MCCC2: variants seen among roughly 807,000 people sequenced by gnomAD.
MCCC2 encodes methylcrotonoyl-CoA carboxylase beta chain, mitochondrial.
In MCCC2, 52 loss-of-function variants were observed where a neutral mutation model predicts 77.2. That is an observed-to-expected ratio of 0.67 (90% confidence interval 0.54 to 0.85). The LOEUF is 0.85. Among genes scored for constraint, MCCC2 ranks in the 40% least tolerant of loss-of-function variants. The pLI is 0.00. For synonymous variants in MCCC2, 253 were observed against 248.4 expected (o/e 1.02, Z -0.18); for missense variants, 682 against 703.2 (o/e 0.97, Z 0.34).
intron 6 of MCCC2, among the ~76,000 whole-genome samples, chr5:71,612,208 T>G (rs1345856368): frequency 2.0e-5 from 3 of 152,238 alleles, no homozygotes; most frequent in African/African-American, 7.2e-5. Context: ...TTCTGTAATT[T>G]TTTTTGCATG....
At chr5:71,611,042 A>T (rs1474376814) in intron 6 of MCCC2, among the ~76,000 whole-genome samples, 2 of 152,174 alleles carry the variant, frequency 1.3e-5, no homozygotes, top group Admixed American at 1.3e-4. Context: ...AAAGGGCTCC[A>T]GTAATTCCTT....
At chr5:71,646,488 A>G (rs550513785) in intron 13 of MCCC2, among the ~76,000 whole-genome samples, 13 of 152,150 alleles carry the variant, frequency 8.5e-5, no homozygotes, top group Non-Finnish European at 1.8e-4. Context: ...CTTTCCCCCA[A>G]GTAGCTGGGC....
intron 6 of MCCC2, among the ~76,000 whole-genome samples, chr5:71,618,849 A>G (rs1407048332): frequency 6.6e-6 from 1 of 152,122 alleles, no homozygotes; most frequent in Non-Finnish European, 1.5e-5. Context: ...TAGGTCTCAC[A>G]TTACTTTTGA....
At chr5:71,595,697 A>G (rs943026096) in intron 2 of MCCC2, among the ~76,000 whole-genome samples, 10 of 152,198 alleles carry the variant, frequency 6.6e-5, no homozygotes, top group African/African-American at 2.2e-4. Flanking sequence ...CTCTTCAGTT[A>G]TAATTTTCTT....
rs201872484 is a variant in MCCC2, at chr5:71,599,707, C to T, written c.330C>T (p.Asp110=). ...LSQFAGYQLY[D]NEEVPGGGII... The stretch of plus-strand genomic sequence containing the variant: ...AGTTTGCAGGTTACCAGTTATATGA[C>T]AATGAGGAGGTGCCAGGAGGTGGCA... Residue 110 remains aspartate, a synonymous_variant, in exon 4 of 17, where the codon GAC becomes GAT. Transcript: ENST00000340941. The T allele has an allele frequency of 2.2e-4, 354 of 1,614,074 alleles. 2 individuals are homozygous for T. In the South Asian group the frequency reaches 3.6e-3, roughly 17 times the overall value.
At chr5:71,641,200 G>T (rs1747113388) in intron 11 of MCCC2, 125 bp downstream of exon 11, 1 of 829,974 alleles carries the variant, frequency 1.2e-6, no homozygotes, top group African/African-American at 1.7e-5. Context: ...AAATGTGTGA[G>T]CCACTTTTAA....
intron 1 of MCCC2, among the ~76,000 whole-genome samples, chr5:71,591,684 G>A (rs1169719595): frequency 6.6e-6 from 1 of 151,926 alleles, no homozygotes; most frequent in Non-Finnish European, 1.5e-5. Context: ...TGATCTGCCC[G>A]CCTCGGCCTC....
intron 16 of MCCC2, among the ~76,000 whole-genome samples, chr5:71,655,911 A>G (rs1284253856): frequency 6.6e-6 from 1 of 152,242 alleles, no homozygotes; most frequent in Non-Finnish European, 1.5e-5. Flanking sequence ...TATCTATTTT[A>G]TTAATAAAAT....
intron 13 of MCCC2, among the ~76,000 whole-genome samples, chr5:71,648,762 G>A (rs964416025): frequency 3.9e-5 from 6 of 152,086 alleles, no homozygotes; most frequent in East Asian, 1.9e-4. Context: ...TGATCCTCCC[G>A]CTTAGGCTTC....
intron 6 of MCCC2, among the ~76,000 whole-genome samples, chr5:71,605,917 C>G (rs1745652714): frequency 6.6e-6 from 1 of 152,164 alleles, no homozygotes; most frequent in African/African-American, 2.4e-5. Context: ...GGGCTCTGTT[C>G]TGTTCCATTG....
intron 1 of MCCC2, 29 bp downstream of exon 1, chr5:71,587,583 G>A (rs1489747730): frequency 6.5e-7 from 1 of 1,529,710 alleles, no homozygotes. Context: ...TGGCCTGGCC[G>A]CCGGTGCCAG....
At chr5:71,638,853 A>G (rs998255203) in intron 10 of MCCC2, among the ~76,000 whole-genome samples, 9 of 152,198 alleles carry the variant, frequency 5.9e-5, no homozygotes, top group Non-Finnish European at 1.3e-4. Context: ...ATAAGACTTA[A>G]AAGTAAAAAT....
In MCCC2 at chr5:71,656,866, A is replaced by C; in HGVS notation, c.*6A>C. On this transcript the variant is annotated 3_prime_UTR_variant, in exon 17 of 17. Transcript: ENST00000340941. ...TCGGTATCTTCAGGATGTAACTGGA[A>C]TAAAGGATGTTTTCTGTTGGACATG... 6.2e-7 allele frequency: 1 copy of C among 1,602,628 alleles called. No individual in the cohort carries two copies. Among genetic ancestry groups the C allele is most frequent in the Non-Finnish European group, 8.6e-7 (1 of 1,169,520 alleles).
chr5:71,596,356 A>G lies in MCCC2; in HGVS notation c.273A>G (p.Ile91Met). The G allele has an allele frequency of 6.2e-7, 1 of 1,614,072 alleles. No homozygotes were observed. The highest frequency in any genetic ancestry group is 8.5e-7 in the Non-Finnish European group (1 of 1,179,948). ...LLPRERIDNL[I>M]DPGSPFLELS... ...CCAGAGAAAGAATTGACAATCTCAT[A>G]GACCCAGGGTGCGTACATAGCCAAG... The change falls in exon 3 of 17, where the codon ATA becomes ATG. Residue 91 changes from isoleucine (I) to methionine (M), a missense_variant. Coordinates refer to ENST00000340941, the MANE Select transcript of MCCC2 (RefSeq NM_022132.5).
In MCCC2 at chr5:71,599,686, T is replaced by G. The variant is rs1638331396; in HGVS notation, c.309T>G (p.Phe103Leu). The G allele has an allele frequency of 1.9e-6, 3 of 1,614,022 alleles. No homozygotes were observed. Among genetic ancestry groups the G allele is most frequent in the Admixed American group, 1.7e-5 (1 of 60,006 alleles). The change falls in exon 4 of 17, where the codon TTT becomes TTG. Residue 103 changes from phenylalanine to leucine, a missense_variant. Physicochemically the swap from Phe to Leu is conservative, Grantham distance 22. Transcript: ENST00000340941. The stretch of plus-strand genomic sequence containing the variant: ...CTCCATTTCTGGAATTATCCCAGTT[T>G]GCAGGTTACCAGTTATATGACAATG... ...PGSPFLELSQ[F>L]AGYQLYDNEE... is the part of the protein sequence containing the mutation.
intron 6 of MCCC2, among the ~76,000 whole-genome samples, chr5:71,618,981 C>T (rs1317556063): frequency 6.6e-6 from 1 of 152,180 alleles, no homozygotes; most frequent in African/African-American, 2.4e-5. Flanking sequence ...TTTGTTTCTT[C>T]TGAAATAGGC....
At chr5:71,596,986 A>G (rs906855386) in intron 3 of MCCC2, among the ~76,000 whole-genome samples, 1 of 152,140 alleles carries the variant, frequency 6.6e-6, no homozygotes, top group Non-Finnish European at 1.5e-5. Context: ...GTAAGTGACA[A>G]ATGTCATGAG....
chr5:71,652,911 T>G (rs1747479098), intron 16 of MCCC2, among the ~76,000 whole-genome samples, 157 bp downstream of exon 16: 1 of 152,206 alleles, frequency 6.6e-6, no homozygotes, highest in South Asian at 2.1e-4. Context: ...TTCTTTACAA[T>G]CTGAATGGCT....
rs1052543221 is a variant in MCCC2, at chr5:71,602,431, G to T, written c.384-75G>T. The T allele has an allele frequency of 1.9e-6, 3 of 1,583,076 alleles. No homozygotes were observed. The African/African-American group carries it at 4.0e-5, about 21-fold the overall frequency. On this transcript the variant is annotated intron_variant, in intron 4 of 16. Transcript: ENST00000340941. Reference sequence around the variant, plus strand: ...ACTAGAAGTTGAAGGTTGTATTGGGGTATCTTGTAATGAGTGTAATTAGTT... The same window carrying T: ...ACTAGAAGTTGAAGGTTGTATTGGGTTATCTTGTAATGAGTGTAATTAGTT...
Sources: gnomAD v4.1 joint callset for allele counts (sites outside exome capture counted in the v4.1 genomes callset) on GRCh38, gnomAD v4.1.1 for gene constraint, MANE v1.5 for transcripts, NCBI Gene and HGNC (gene_info 2026-07-23, HGNC 2026-07-21) for gene names.